PCLO: variants seen among roughly 807,000 people sequenced by gnomAD.
PCLO encodes piccolo presynaptic cytomatrix protein, also known as protein piccolo.
PCLO carries 82 observed loss-of-function variants against 427.5 expected under a neutral mutation model. The ratio of observed to expected loss-of-function variants is 0.19; its 90% confidence interval spans 0.16 to 0.23. The LOEUF (loss-of-function observed/expected upper bound fraction) is 0.23, where lower values mean the gene tolerates loss of function less well. Among genes scored for constraint, PCLO ranks in the 10% least tolerant of loss-of-function variants. The pLI is 1.00. For missense variants in PCLO, 6,239 were observed against 6,115.9 expected (o/e 1.02, Z -0.67); for synonymous variants, 2,357 against 2,155.4 (o/e 1.09, Z -2.59).
chr7:82,975,742 G>C lies in PCLO; in HGVS notation c.3301-9255C>G, dbSNP rs11980238. ...AATGTAATCCCCACGTGTGGAGGGAGGGACTTGGTGGGAAGTGATTGGATT... is the reference window on the plus strand; with the variant it reads ...AATGTAATCCCCACGTGTGGAGGGACGGACTTGGTGGGAAGTGATTGGATT... On this transcript the variant is annotated intron_variant, in intron 3 of 24. Coordinates refer to ENST00000333891, the MANE Select transcript of PCLO (RefSeq NM_033026.6). Among the ~76,000 whole-genome samples, 450 of 152,264 alleles carry C rather than the reference G, an allele frequency of 3.0e-3. 2 individuals are homozygous for C. Among genetic ancestry groups the C allele is most frequent in the African/African-American group, 0.01 (433 of 41,558 alleles).
At chr7:82,800,026 A>G (rs1791310387) in intron 22 of PCLO, among the ~76,000 whole-genome samples, 1 of 152,142 alleles carries the variant, frequency 6.6e-6, no homozygotes, top group African/African-American at 2.4e-5. Context: ...CAGGTTTGGG[A>G]CTAATCAACA....
intron 20 of PCLO, among the ~76,000 whole-genome samples, chr7:82,819,781 A>G (rs554845432): frequency 6.6e-6 from 1 of 152,130 alleles, no homozygotes; most frequent in Non-Finnish European, 1.5e-5. Flanking sequence ...GACATATGAA[A>G]TGTTTTTAAT....
intron 10 of PCLO, among the ~76,000 whole-genome samples, chr7:82,874,721 G>A (rs780179934): frequency 4.6e-5 from 7 of 151,986 alleles, no homozygotes; most frequent in Non-Finnish European, 1.5e-5. Context: ...ATATAAAAAG[G>A]TATATAATAA....
intron 6 of PCLO, among the ~76,000 whole-genome samples, chr7:82,933,625 G>T (rs1052834029): frequency 1.3e-5 from 2 of 150,790 alleles, no homozygotes; most frequent in African/African-American, 4.9e-5. Flanking sequence ...CCAGATAAAG[G>T]TTACAAAACT....
intron 20 of PCLO, among the ~76,000 whole-genome samples, chr7:82,819,855 A>G (rs1791753809): frequency 6.6e-6 from 1 of 152,210 alleles, no homozygotes; most frequent in Non-Finnish European, 1.5e-5. Context: ...TGTGCCAAAT[A>G]TAGACTCATA....
chr7:83,114,290 T>G (rs1381639679), intron 3 of PCLO, among the ~76,000 whole-genome samples: 1 of 152,014 alleles, frequency 6.6e-6, no homozygotes, highest in Non-Finnish European at 1.5e-5. Context: ...CGATGCTATA[T>G]AAGAGGGCTG....
chr7:83,146,848 C>T lies in PCLO; in HGVS notation c.1893+7900G>A, dbSNP rs373924557. ...AACTCCTGACCTCAGATGATCCACCCGCCTCAGCCTCCCAAAATGCTGGGA... is the reference window on the plus strand; with the variant it reads ...AACTCCTGACCTCAGATGATCCACCTGCCTCAGCCTCCCAAAATGCTGGGA... On this transcript the variant is annotated intron_variant, in intron 2 of 24. Transcript: ENST00000333891. Among the ~76,000 whole-genome samples the T allele has an allele frequency of 7.2e-5, 11 of 151,996 alleles. 1 individual carries two copies. Among genetic ancestry groups the T allele is most frequent in the Admixed American group, 4.6e-4 (7 of 15,246 alleles).
At chr7:82,894,018 T>G (rs1298371891) in intron 9 of PCLO, among the ~76,000 whole-genome samples, 4 of 151,972 alleles carry the variant, frequency 2.6e-5, no homozygotes, top group Non-Finnish European at 5.9e-5. Context: ...AAAAAATATT[T>G]AAGTATAAAA....
chr7:82,934,287 G>T (rs1035584609), intron 6 of PCLO, among the ~76,000 whole-genome samples: 2 of 151,640 alleles, frequency 1.3e-5, no homozygotes, highest in Non-Finnish European at 3.0e-5. Flanking sequence ...GCAAATGATC[G>T]CATTCAGCAA....
intron 22 of PCLO, among the ~76,000 whole-genome samples, chr7:82,782,020 A>C (rs1425943935): frequency 6.6e-6 from 1 of 152,230 alleles, no homozygotes; most frequent in Admixed American, 6.5e-5. Context: ...GAATTGTTTC[A>C]GCAAATTAAT....
chr7:82,955,885 T>A lies in PCLO; in HGVS notation c.5068A>T (p.Ser1690Cys). 6.2e-7 allele frequency: 1 copy of A among 1,613,934 alleles called. No homozygotes were observed. The highest frequency in any genetic ancestry group is 8.5e-7 in the Non-Finnish European group (1 of 1,179,866). The stretch of plus-strand genomic sequence containing the variant: ...TCTGGCTCTTCGTCAAAATACAAAC[T>A]TGTTTTTTTCTGTGATGACTCTGCA... The part of the protein sequence containing the change: ...YSAESSQKKT[S>C]LYFDEEPELE... The change falls in exon 5 of 25, where the codon AGT (serine) becomes TGT (cysteine). Residue 1690 changes from serine to cysteine, a missense_variant. This residue lies in a region of PCLO where 4,677 missense variants were observed against 4,468.4 expected (regional missense o/e 1.05). Transcript: ENST00000333891.
At chr7:82,843,623 T>A (rs1364005327) in intron 13 of PCLO, among the ~76,000 whole-genome samples, 2 of 151,526 alleles carry the variant, frequency 1.3e-5, no homozygotes, top group African/African-American at 4.8e-5. Flanking sequence ...AGTGAGGTAA[T>A]CCATGTTAAT....
intron 3 of PCLO, among the ~76,000 whole-genome samples, chr7:82,985,813 T>C (rs1796244517): frequency 6.6e-6 from 1 of 152,002 alleles, no homozygotes; most frequent in Admixed American, 6.6e-5. Context: ...GTCCACAACA[T>C]GTAATTAGAA....
intron 8 of PCLO, among the ~76,000 whole-genome samples, chr7:82,906,006 TATAGATAG>T (rs35608595): frequency 0.031 from 4,544 of 146,688 alleles, 171 homozygotes; most frequent in African/African-American, 0.09. Flanking sequence ...AGGTTAAGCA[TATAGATAG>T]ATAGATAGAT....
chr7:82,939,100 A>G (rs1290409972), intron 6 of PCLO, among the ~76,000 whole-genome samples: 3 of 152,096 alleles, frequency 2.0e-5, no homozygotes, highest in African/African-American at 4.8e-5. Context: ...TCACTCGTCC[A>G]TAAAGACAGA....
At chr7:83,149,122 A>T (rs1792067174) in intron 2 of PCLO, among the ~76,000 whole-genome samples, 2 of 152,092 alleles carry the variant, frequency 1.3e-5, no homozygotes, top group African/African-American at 4.8e-5. Context: ...TTGTGGATTA[A>T]TCTCTGGCTT....
chr7:83,160,762 T>G (rs754894923), intron 1 of PCLO, among the ~76,000 whole-genome samples: 3 of 152,048 alleles, frequency 2.0e-5, no homozygotes, highest in Non-Finnish European at 4.4e-5. Context: ...AATCTAGAAA[T>G]CAAAGATCTC....
intron 3 of PCLO, among the ~76,000 whole-genome samples, chr7:83,112,391 A>G (rs927091825): frequency 7.9e-5 from 12 of 152,152 alleles, no homozygotes; most frequent in Admixed American, 2.0e-4. Flanking sequence ...ATAAACTATT[A>G]TAACAATCTA....
chr7:82,777,175 A>G (rs956117991), intron 22 of PCLO, among the ~76,000 whole-genome samples: 21 of 152,068 alleles, frequency 1.4e-4, no homozygotes, highest in Admixed American at 1.2e-3. Flanking sequence ...AGAATAAAAT[A>G]CCTAGGAATA....
Sources: allele counts gnomAD v4.1 joint callset (sites outside exome capture counted in the v4.1 genomes callset), GRCh38; gene constraint gnomAD v4.1.1; regional missense constraint gnomAD v4.1.1; transcripts MANE v1.5; gene names NCBI Gene and HGNC (gene_info 2026-07-23, HGNC 2026-07-21).